The following SIL1 variants were observed in gnomAD, a reference collection of about 807,000 sequenced individuals.
SIL1 encodes the protein nucleotide exchange factor SIL1.
SIL1 carries 40 observed loss-of-function variants against 49.1 expected under a neutral mutation model. The ratio of observed to expected loss-of-function variants is 0.81; its 90% CI spans 0.63 to 1.06. SIL1 has a LOEUF of 1.06. Among genes scored for constraint, SIL1 ranks in the 50% least tolerant of loss-of-function variants. SIL1 has a pLI of 0.00. For missense variants in SIL1, 500 were observed against 572.6 expected (o/e 0.87, Z 1.29); for synonymous variants, 253 against 250.8 (o/e 1.01, Z -0.08).
At chr5:139,112,442 C>T (rs1402637367) in intron 3 of SIL1, among the ~76,000 whole-genome samples, 5 of 151,058 alleles carry the variant, frequency 3.3e-5, no homozygotes, top group Non-Finnish European at 7.4e-5. Context: ...ATGTAGGGAG[C>T]GCCTCTGCCC....
chr5:139,099,321 C>A (rs1444729194), intron 3 of SIL1, among the ~76,000 whole-genome samples: 1 of 152,140 alleles, frequency 6.6e-6, no homozygotes, highest in Non-Finnish European at 1.5e-5. Flanking sequence ...CCCTCATACA[C>A]TGTTGGTGGG....
At chr5:139,152,655 T>C (rs1236721778) in intron 1 of SIL1, among the ~76,000 whole-genome samples, 2 of 148,568 alleles carry the variant, frequency 1.3e-5, no homozygotes, top group Non-Finnish European at 3.0e-5. Context: ...AAAAAAAGAA[T>C]GTAGAGGGAT....
chr5:138,955,232 A>G (rs895426519), intron 7 of SIL1, among the ~76,000 whole-genome samples: 1 of 152,242 alleles, frequency 6.6e-6, no homozygotes, highest in Non-Finnish European at 1.5e-5. Context: ...AAGGATATTA[A>G]GGACGTAGCT....
rs1768257241 is a variant in SIL1 at position 139,011,155 on chromosome 5, T to C, written c.767+10016A>G. ...GACCCTCTGAGCCAGGTGTGGGATA[T>C]AGTCTCGTGGTGCGCCGTTTTTTAA... On this transcript the variant is annotated intron_variant, in intron 7 of 9. Coordinates refer to ENST00000394817, the MANE Select transcript of SIL1 (RefSeq NM_022464.5). Among the ~76,000 whole-genome samples, 3 of 151,460 alleles carry C rather than the reference T, an allele frequency of 2.0e-5. No homozygotes were observed. The South Asian group carries it at 6.4e-4, about 32-fold the overall frequency.
intron 5 of SIL1, among the ~76,000 whole-genome samples, chr5:139,040,688 G>C (rs548610274): frequency 6.6e-6 from 1 of 151,312 alleles, no homozygotes; most frequent in Non-Finnish European, 1.5e-5. Flanking sequence ...CAGTAGAGAC[G>C]GGGTTTCACC....
chr5:138,993,865 T>A (rs1268150636), intron 7 of SIL1, among the ~76,000 whole-genome samples: 1 of 152,208 alleles, frequency 6.6e-6, no homozygotes, highest in Admixed American at 6.5e-5. Context: ...CCCGACAAAG[T>A]CACACTTGGA....
intron 7 of SIL1, among the ~76,000 whole-genome samples, chr5:139,004,032 G>C (rs914136170): frequency 8.5e-5 from 13 of 152,166 alleles, no homozygotes; most frequent in African/African-American, 2.9e-4. Context: ...GAGAACTGAT[G>C]AAAATTATAT....
At chr5:139,130,789 G>C (rs531406183) in intron 1 of SIL1, among the ~76,000 whole-genome samples, 13 of 152,278 alleles carry the variant, frequency 8.5e-5, no homozygotes, top group African/African-American at 3.1e-4. Context: ...ATATTATTCA[G>C]CCATAAAAGG....
chr5:139,046,333 A>G (rs1032687623), intron 4 of SIL1, among the ~76,000 whole-genome samples: 5 of 61,676 alleles, frequency 8.1e-5, no homozygotes, highest in South Asian at 4.9e-4. Context: ...TCTTATGGGG[A>G]AAAAAAAAAT....
intron 6 of SIL1, among the ~76,000 whole-genome samples, chr5:139,022,876 G>A (rs1768560273): frequency 6.6e-6 from 1 of 152,190 alleles, no homozygotes; most frequent in Non-Finnish European, 1.5e-5. Context: ...ATTTTACAAT[G>A]TAAGAATTCA....
intron 7 of SIL1, among the ~76,000 whole-genome samples, chr5:138,979,042 C>T (rs992712940): frequency 2.4e-4 from 37 of 151,946 alleles, no homozygotes; most frequent in African/African-American, 8.9e-4. Flanking sequence ...CTTTGAAGCA[C>T]AAGAGTATTT....
intron 7 of SIL1, among the ~76,000 whole-genome samples, chr5:138,993,541 A>C (rs1767800384): frequency 6.6e-6 from 1 of 152,218 alleles, no homozygotes; most frequent in East Asian, 1.9e-4. Flanking sequence ...GGCAAAGGTG[A>C]CAAGATATAT....
chr5:139,133,639 G>A (rs1484856552), intron 1 of SIL1, among the ~76,000 whole-genome samples: 1 of 152,240 alleles, frequency 6.6e-6, no homozygotes, highest in African/African-American at 2.4e-5. Flanking sequence ...TGAGTTTCAG[G>A]ACCAGAGCAC....
intron 3 of SIL1, among the ~76,000 whole-genome samples, chr5:139,095,717 A>C (rs1377929659): frequency 6.6e-6 from 1 of 152,156 alleles, no homozygotes; most frequent in Non-Finnish European, 1.5e-5. Context: ...AGTCCCAGCT[A>C]CTCAGGAGGC....
intron 7 of SIL1, among the ~76,000 whole-genome samples, chr5:138,972,735 C>T (rs1044513580): frequency 6.6e-6 from 1 of 152,244 alleles, no homozygotes; most frequent in African/African-American, 2.4e-5. Context: ...CAGCAACTAA[C>T]CTTTTTCTTC....
At chr5:139,025,935 T>G (rs1768639277) in intron 6 of SIL1, among the ~76,000 whole-genome samples, 1 of 152,144 alleles carries the variant, frequency 6.6e-6, no homozygotes, top group South Asian at 2.1e-4. Flanking sequence ...CCCAATAAAA[T>G]TTTATTTAGG....
At chr5:138,960,134 T>G (rs1328857647) in intron 7 of SIL1, among the ~76,000 whole-genome samples, 1 of 152,244 alleles carries the variant, frequency 6.6e-6, no homozygotes, top group African/African-American at 2.4e-5. Context: ...ACAATAAAAT[T>G]TAACATGCCA....
intron 9 of SIL1, among the ~76,000 whole-genome samples, chr5:138,949,819 AAAAAG>A (rs909698434): frequency 5.3e-5 from 8 of 150,918 alleles, no homozygotes; most frequent in South Asian, 2.1e-4. Context: ...AAAAAAAAGA[AAAAAG>A]AAAAGAAAAG....
chr5:139,119,635 C>T (rs546845631), intron 3 of SIL1, among the ~76,000 whole-genome samples: 2 of 152,216 alleles, frequency 1.3e-5, no homozygotes, highest in South Asian at 2.1e-4. Flanking sequence ...GTGGCTTGCA[C>T]CTATAGTCCC....
Sources: allele counts gnomAD v4.1 joint callset (sites outside exome capture counted in the v4.1 genomes callset), GRCh38; gene constraint gnomAD v4.1.1; transcripts MANE v1.5; gene names NCBI Gene and HGNC (gene_info 2026-07-23, HGNC 2026-07-21).